CSNK1D: variants seen among roughly 807,000 people sequenced by gnomAD.
CSNK1D encodes the protein casein kinase 1 delta, also known as casein kinase I isoform delta.
Under a neutral mutation model 46.6 loss-of-function variants are expected in CSNK1D, and 16 were observed. That is an observed-to-expected ratio of 0.34 (90% CI 0.23 to 0.52). The LOEUF is 0.52. Among genes scored for constraint, CSNK1D ranks in the 20% least tolerant of loss-of-function variants. The pLI is 0.95. For missense variants in CSNK1D, 398 were observed against 578.4 expected (o/e 0.69, Z 3.20); for synonymous variants, 276 against 228.2 (o/e 1.21, Z -1.89).
In CSNK1D at chr17:82,265,789, G is replaced by C; in HGVS notation, c.84C>G (p.Asp28Glu). The change falls in exon 2 of 9, where the codon GAC becomes GAG. Residue 28 changes from aspartate (D) to glutamate (E), a missense_variant. Coordinates refer to ENST00000314028, the MANE Select transcript of CSNK1D (RefSeq NM_001893.6). ...GSFGDIYLGTDIAAGEEVAIK... is the reference protein window; with the variant it reads ...GSFGDIYLGTEIAAGEEVAIK... ...TGGCAACCTCTTCTCCTGCAGCAAT[G>C]TCCGTACCTTGGCAAAGAAAGAAAA... 2 of 1,613,820 alleles carry C rather than the reference G, an allele frequency of 1.2e-6. No homozygotes were observed. The highest frequency in any genetic ancestry group is 1.3e-5 in the African/African-American group (1 of 75,028).
rs1219958825 is a variant in CSNK1D at position 82,255,600 on chromosome 17, G to C, written c.188-23C>G. 9 of 1,613,986 alleles carry C rather than the reference G, an allele frequency of 5.6e-6. 1 individual carries two copies. The Admixed American group carries it at 1.0e-4, about 18-fold the overall frequency. On this transcript the variant is annotated intron_variant, in intron 2 of 8. Transcript: ENST00000314028. The surrounding 1 kb of genome is among the most constrained non-coding windows in gnomAD (Gnocchi z 5.9). ...CCACTAGGCAAGGAAATCAGACACA[G>C]TGTTTCAGTCCAGGCCCTGCCTCAG...
Position 82,242,911 on chromosome 17 carries a change from T to G in CSNK1D, c.*1870A>C, listed in dbSNP as rs1303816200. Reference sequence around the variant, plus strand: ...GGCGCAGAGCTGCCTCGCACAAACGTTCTGGGCACTACATCGGGACCACAG... The same window carrying G: ...GGCGCAGAGCTGCCTCGCACAAACGGTCTGGGCACTACATCGGGACCACAG... On this transcript the variant is annotated 3_prime_UTR_variant, in exon 9 of 9. Transcript: ENST00000314028. The G allele has an allele frequency of 2.0e-6, 2 of 985,156 alleles. No individual in the cohort carries two copies. Among genetic ancestry groups the G allele is most frequent in the African/African-American group, 3.5e-5 (2 of 57,152 alleles). The allele number at this position is 985,156 out of a possible 1,614,324, so 61.0% of individuals were successfully genotyped here.
Position 82,255,598 on chromosome 17 carries a change from C to T in CSNK1D, c.188-21G>A, listed in dbSNP as rs1174333439. The T allele has an allele frequency of 1.9e-6, 3 of 1,614,030 alleles. No individual in the cohort carries two copies. Among genetic ancestry groups the T allele is most frequent in the Non-Finnish European group, 2.5e-6 (3 of 1,180,022 alleles). On this transcript the variant is annotated intron_variant, in intron 2 of 8. Transcript: ENST00000314028. The surrounding 1 kb of genome is among the most constrained non-coding windows in gnomAD (Gnocchi z 5.9). ...GCCCACTAGGCAAGGAAATCAGACA[C>T]AGTGTTTCAGTCCAGGCCCTGCCTC...
rs1030854918 is a variant in CSNK1D at position 82,255,257 on chromosome 17, C to T, written c.336+172G>A. On this transcript the variant is annotated intron_variant, in intron 3 of 8. Coordinates refer to ENST00000314028, the MANE Select transcript of CSNK1D (RefSeq NM_001893.6). This position sits in a 1 kb window ranked among gnomAD's most constrained non-coding sequence, Gnocchi z 5.9. ...TCGAGAAGCCAGTGAGCGGAGCCACCGGAGCCTCGAGAAGCCAGTGAGCTG... is the reference window on the plus strand; with the variant it reads ...TCGAGAAGCCAGTGAGCGGAGCCACTGGAGCCTCGAGAAGCCAGTGAGCTG... 17 of 796,084 alleles carry T rather than the reference C, an allele frequency of 2.1e-5. No homozygotes were observed. Among genetic ancestry groups the T allele is most frequent in the South Asian group, 4.4e-5 (3 of 68,062 alleles). 49.3% of individuals were successfully genotyped at this position (796,084 alleles called of 1,614,324 possible).
At chr17:82,254,488 C>G (rs1378945632) in intron 3 of CSNK1D, 24 of 240,958 alleles carry the variant, frequency 1.0e-4, no homozygotes, top group South Asian at 7.8e-4. Flanking sequence ...GCTGAGCCGC[C>G]GGAGCCTCGA....
chr17:82,251,848 C>A lies in CSNK1D; in HGVS notation c.737-321G>T. On this transcript the variant is annotated intron_variant, in intron 5 of 8. Coordinates refer to ENST00000314028, the MANE Select transcript of CSNK1D (RefSeq NM_001893.6). This position sits in a 1 kb window ranked among gnomAD's most constrained non-coding sequence, Gnocchi z 4.5. Reference sequence around the variant, plus strand: ...TACTGAAAAAAAAAAAAAAAAAGTTCTAGAGCGTGGTGGCGGGCGCCTGTA... The same window carrying A: ...TACTGAAAAAAAAAAAAAAAAAGTTATAGAGCGTGGTGGCGGGCGCCTGTA... 2.8e-6 allele frequency: 1 copy of A among 362,582 alleles called. No individual in the cohort carries two copies. Among genetic ancestry groups the A allele is most frequent in the Non-Finnish European group, 5.2e-6 (1 of 191,524 alleles). The allele number at this position is 362,582 out of a possible 1,614,324, so 22.5% of individuals were successfully genotyped here. A position where few individuals can be genotyped will look rare whatever the true frequency, so the allele number is the denominator to read the frequency against.
chr17:82,245,287 G>A (rs2050821390), intron 8 of CSNK1D: 2 of 298,408 alleles, frequency 6.7e-6, no homozygotes, highest in Non-Finnish European at 1.3e-5. Flanking sequence ...CTGCTGGAAG[G>A]AGCCGCCGAG....
chr17:82,246,718 C>G, intron 8 of CSNK1D: 1 of 992,014 alleles, frequency 1.0e-6, no homozygotes, highest in Non-Finnish European at 1.2e-6. Flanking sequence ...CACCCAGCCA[C>G]GGCCAGCAAG....
downstream of CSNK1D, chr17:82,242,577 T>A (rs2050756380): frequency 1.1e-4 from 97 of 912,506 alleles, no homozygotes; most frequent in Non-Finnish European, 1.2e-4. Flanking sequence ...CAAACAGCCA[T>A]CTCAAAGAAG....
chr17:82,246,167 G>C (rs1320029257), intron 8 of CSNK1D: 1 of 1,540,252 alleles, frequency 6.5e-7, no homozygotes, highest in African/African-American at 1.4e-5. Flanking sequence ...CCACCTGGGG[G>C]AGCCCAGGCA....
rs1246703638 is a variant in CSNK1D, at chr17:82,273,187, G to A, written c.76+119C>T. The A allele has an allele frequency of 1.5e-5, 16 of 1,056,104 alleles. No individual in the cohort carries two copies. Among genetic ancestry groups the A allele is most frequent in the Non-Finnish European group, 2.2e-5 (16 of 727,950 alleles). The allele number at this position is 1,056,104 out of a possible 1,614,324, so 65.4% of individuals were successfully genotyped here. On this transcript the variant is annotated intron_variant, in intron 1 of 8. Coordinates refer to ENST00000314028, the MANE Select transcript of CSNK1D (RefSeq NM_001893.6). The surrounding 1 kb of genome is among the most constrained non-coding windows in gnomAD (Gnocchi z 5.1). ...GTTGGGTTCTGGCCACGATCCGGCG[G>A]TGCCGGGACTTGCGCGGAGACCCCG...
intron 1 of CSNK1D, among the ~76,000 whole-genome samples, chr17:82,266,284 G>T: frequency 6.6e-6 from 1 of 152,220 alleles, no homozygotes; most frequent in Non-Finnish European, 1.5e-5. Flanking sequence ...ACCCAGGCCT[G>T]GCATCACAGG....
rs769966888 is a variant in CSNK1D, at chr17:82,249,193, C to T, written c.1058-179G>A. The T allele has an allele frequency of 3.0e-5, 25 of 845,972 alleles. No individual in the cohort carries two copies. The highest frequency in any genetic ancestry group is 4.0e-5 in the Non-Finnish European group (22 of 555,292). The allele number at this position is 845,972 out of a possible 1,614,324, so 52.4% of individuals were successfully genotyped here. On this transcript the variant is annotated intron_variant, in intron 7 of 8. Transcript: ENST00000314028. The surrounding 1 kb of genome is among the most constrained non-coding windows in gnomAD (Gnocchi z 6.7). ...GGAGGGACACAAAGGGACATGGGAG[C>T]GAGGTCAAGGGGCTCACAGGGGAGG...
rs781523570 is a variant in CSNK1D, at chr17:82,252,879, G to A, written c.565+137C>T. ...CTGCCCCCATACACCTGGCAGTCAC[G>A]AGCCAGCCTGTCTGCCGCAAAGGTC... is the stretch of plus-strand genomic sequence containing the variant. On this transcript the variant is annotated intron_variant, in intron 4 of 8. Coordinates refer to ENST00000314028, the MANE Select transcript of CSNK1D (RefSeq NM_001893.6). This position sits in a 1 kb window ranked among gnomAD's most constrained non-coding sequence, Gnocchi z 4.6. The A allele has an allele frequency of 1.2e-5, 10 of 851,468 alleles. No homozygotes were observed. Among genetic ancestry groups the A allele is most frequent in the East Asian group, 5.3e-5 (2 of 37,764 alleles). 52.7% of individuals were successfully genotyped at this position (851,468 alleles called of 1,614,324 possible). A position where few individuals can be genotyped will look rare whatever the true frequency, so the allele number is the denominator to read the frequency against.
Position 82,248,641 on chromosome 17 carries a change from A to C in CSNK1D, c.1197+234T>G, listed in dbSNP as rs1355350451. ...GGTTTGCTGGCCTCAGGGACCTGAG[A>C]CCTGAGACTGGCCACCTGCAACCAG... On this transcript the variant is annotated intron_variant, in intron 8 of 8. Transcript: ENST00000314028. The surrounding 1 kb of genome is among the most constrained non-coding windows in gnomAD (Gnocchi z 4.1). The C allele has an allele frequency of 1.0e-5, 14 of 1,383,290 alleles. No homozygotes were observed. Among genetic ancestry groups the C allele is most frequent in the Non-Finnish European group, 1.3e-5 (14 of 1,066,500 alleles). The allele number at this position is 1,383,290 out of a possible 1,614,324, so 85.7% of individuals were successfully genotyped here. A position where few individuals can be genotyped will look rare whatever the true frequency, so the allele number is the denominator to read the frequency against.
At chr17:82,264,254 C>G (rs774042947) in intron 2 of CSNK1D, among the ~76,000 whole-genome samples, 1 of 152,250 alleles carries the variant, frequency 6.6e-6, no homozygotes, top group Non-Finnish European at 1.5e-5. Context: ...AGCCTTCTCA[C>G]TGGGAGGGCT....
Position 82,253,326 on chromosome 17 carries a change from T to C in CSNK1D, c.337-82A>G, listed in dbSNP as rs2051061518. On this transcript the variant is annotated intron_variant, in intron 3 of 8. Transcript: ENST00000314028. ...GCTCAACTGTGGGACACTACATCAG[T>C]GGCTGCATTGTTCCTGCCCCTCAGC... is the stretch of plus-strand genomic sequence containing the variant. 12 of 1,063,372 alleles carry C rather than the reference T, an allele frequency of 1.1e-5. 1 individual carries two copies. In the South Asian group the frequency reaches 1.5e-4, roughly 13 times the overall value. The allele number at this position is 1,063,372 out of a possible 1,614,324, so 65.9% of individuals were successfully genotyped here.
downstream of CSNK1D, chr17:82,240,157 CCAGGCTCCTGCCTGCAGCCT>C: frequency 1.0e-6 from 1 of 979,622 alleles, no homozygotes; most frequent in Non-Finnish European, 1.3e-6. Context: ...CTCTTGCAGC[CCAGGCTCCTGCCTGCAGCCT>C]CAGGGCTGTG....
chr17:82,269,137 C>T lies in CSNK1D; in HGVS notation c.77-3341G>A, dbSNP rs556090416. 1.2e-3 allele frequency among the ~76,000 whole-genome samples: 183 copies of T among 148,176 alleles called. 1 individual carries two copies. The highest frequency in any genetic ancestry group is 4.2e-3 in the African/African-American group (167 of 40,110). The stretch of plus-strand genomic sequence containing the variant: ...AAAAAAAAGCAGATGGTGAGTTAAG[C>T]GAACCTAACCAGAGTGTGGCCCTGT... On this transcript the variant is annotated intron_variant, in intron 1 of 8. Coordinates refer to ENST00000314028, the MANE Select transcript of CSNK1D (RefSeq NM_001893.6).
Sources: gnomAD v4.1 joint callset for allele counts (sites outside exome capture counted in the v4.1 genomes callset) on GRCh38, gnomAD v4.1.1 for gene constraint, Gnocchi (gnomAD v3.1) non-coding constraint, MANE v1.5 for transcripts, NCBI Gene and HGNC (gene_info 2026-07-23, HGNC 2026-07-21) for gene names.